Variants in PARD6G observed in about 807,000 individuals in gnomAD.
The protein encoded by PARD6G is par-6 family cell polarity regulator gamma.
Under a neutral mutation model 10.7 loss-of-function variants are expected in PARD6G, and 7 were observed. The ratio of observed to expected loss-of-function variants is 0.66; its 90% CI spans 0.37 to 1.23. PARD6G has a LOEUF of 1.23. Among genes scored for constraint, PARD6G ranks in the 50% most tolerant of loss-of-function variants. The probability of loss-of-function intolerance (pLI) is 0.02; values close to 1 mark genes in which losing one functional copy is unlikely to be tolerated. For missense variants in PARD6G, 548 were observed against 571.8 expected (o/e 0.96, Z 0.42); for synonymous variants, 287 against 269.4 (o/e 1.07, Z -0.64).
rs1373227576 is a variant in PARD6G, at chr18:80,175,594, G to C, written c.296-14988C>G. Among the ~76,000 whole-genome samples, 2 of 152,228 alleles carry C rather than the reference G, an allele frequency of 1.3e-5. No individual in the cohort carries two copies. Among genetic ancestry groups the C allele is most frequent in the Admixed American group, 1.3e-4 (2 of 15,288 alleles). ...CTTCGACATCAGAACCTGGGGTGAC[G>C]TATCGATTCAGTGCACTACGCACAC... On this transcript the variant is annotated intron_variant, in intron 2 of 2. Transcript: ENST00000353265. The surrounding 1 kb of genome is among the most constrained non-coding windows in gnomAD (Gnocchi z 6.7).
chr18:80,239,946 T>C (rs1417986999), intron 1 of PARD6G, among the ~76,000 whole-genome samples: 1 of 152,234 alleles, frequency 6.6e-6, no homozygotes, highest in African/African-American at 2.4e-5. Flanking sequence ...TGGCTGCTTC[T>C]ACTCACAGTG....
At position 80,158,792 on chromosome 18, in the gene PARD6G, C is replaced by T. The variant is rs1475145865; in HGVS notation, c.*979G>A. ...CCCAGGAGGCGGAGGTTGCAGTGAG[C>T]TGAGATCCCTCCAGCTTGGATGACA... On this transcript the variant is annotated 3_prime_UTR_variant, in exon 3 of 3. Transcript: ENST00000353265. The T allele has an allele frequency of 6.6e-6, 1 of 151,790 alleles. No homozygotes were observed. Among genetic ancestry groups the T allele is most frequent in the Admixed American group, 6.6e-5 (1 of 15,224 alleles). 9.4% of individuals were successfully genotyped at this position (151,790 alleles called of 1,614,324 possible). A position where few individuals can be genotyped will look rare whatever the true frequency, so the allele number is the denominator to read the frequency against.
intron 1 of PARD6G, among the ~76,000 whole-genome samples, chr18:80,206,293 T>C (rs916618631): frequency 6.6e-6 from 1 of 152,218 alleles, no homozygotes; most frequent in East Asian, 1.9e-4. Flanking sequence ...AAATGTGACA[T>C]GACAAAAGCA....
chr18:80,198,249 G>A (rs778802690), intron 2 of PARD6G, among the ~76,000 whole-genome samples: 17 of 152,174 alleles, frequency 1.1e-4, no homozygotes, highest in Non-Finnish European at 1.0e-4. Flanking sequence ...GGTATAAGCC[G>A]AGAGCCCTTT....
chr18:80,183,058 A>G lies in PARD6G; in HGVS notation c.295+19652T>C. The stretch of plus-strand genomic sequence containing the variant: ...CTGCGTGGGCCATCCATTCTCTACC[A>G]TGGCATGCCGACAACAGGGGCACAG... On this transcript the variant is annotated intron_variant, in intron 2 of 2. Coordinates refer to ENST00000353265, the MANE Select transcript of PARD6G (RefSeq NM_032510.4). The surrounding 1 kb of genome is among the most constrained non-coding windows in gnomAD (Gnocchi z 4.5). The G allele has an allele frequency of 1.4e-6, 1 of 702,210 alleles. No individual in the cohort carries two copies. Among genetic ancestry groups the G allele is most frequent in the South Asian group, 1.5e-5 (1 of 67,554 alleles). The allele number at this position is 702,210 out of a possible 1,614,324, so 43.5% of individuals were successfully genotyped here. A position where few individuals can be genotyped will look rare whatever the true frequency, so the allele number is the denominator to read the frequency against.
intron 1 of PARD6G, among the ~76,000 whole-genome samples, chr18:80,217,438 G>C (rs1280021397): frequency 6.6e-6 from 1 of 152,154 alleles, no homozygotes; most frequent in Non-Finnish European, 1.5e-5. Flanking sequence ...GGGGAAGAAA[G>C]AGTAACTCTA....
At chr18:80,230,459 G>A (rs777097889) in intron 1 of PARD6G, among the ~76,000 whole-genome samples, 2 of 152,188 alleles carry the variant, frequency 1.3e-5, no homozygotes, top group Non-Finnish European at 2.9e-5. Flanking sequence ...GTTTAAAATC[G>A]GGCCACACAC....
chr18:80,215,409 G>C (rs533158971), intron 1 of PARD6G, among the ~76,000 whole-genome samples: 1 of 152,200 alleles, frequency 6.6e-6, no homozygotes, highest in East Asian at 1.9e-4. Context: ...GATTTAAAAG[G>C]ACAACTGCAG....
chr18:80,215,026 T>TA (rs57798275), intron 1 of PARD6G, among the ~76,000 whole-genome samples: 378 of 148,992 alleles, frequency 2.5e-3, no homozygotes, highest in African/African-American at 8.5e-3. Context: ...GGCTTCTTGT[T>TA]AAAAAAAAAA....
At chr18:80,177,048 C>CAA (rs771159897) in intron 2 of PARD6G, among the ~76,000 whole-genome samples, 1 of 138,350 alleles carries the variant, frequency 7.2e-6, no homozygotes, top group Non-Finnish European at 1.6e-5. Context: ...CACACACACA[C>CAA]CACAGTATAA....
chr18:80,226,747 A>G (rs990287241), intron 1 of PARD6G, among the ~76,000 whole-genome samples: 5 of 152,128 alleles, frequency 3.3e-5, no homozygotes, highest in Non-Finnish European at 7.4e-5. Context: ...CACACTGGCC[A>G]GCAAAGAACC....
At position 80,221,359 on chromosome 18, in the gene PARD6G, C is replaced by A. The variant is rs994552741; in HGVS notation, c.73-18427G>T. On this transcript the variant is annotated intron_variant, in intron 1 of 2. Coordinates refer to ENST00000353265, the MANE Select transcript of PARD6G (RefSeq NM_032510.4). ...CTAGCAACATATAAAAAGGACCACA[C>A]ACCATGACCTGTGAGATTTATCACA... Among the ~76,000 whole-genome samples, 9 of 152,178 alleles carry A rather than the reference C, an allele frequency of 5.9e-5. 1 individual carries two copies. The highest frequency in any genetic ancestry group is 3.3e-4 in the Admixed American group (5 of 15,286).
chr18:80,198,131 C>G (rs913922706), intron 2 of PARD6G, among the ~76,000 whole-genome samples: 1 of 152,182 alleles, frequency 6.6e-6, no homozygotes, highest in East Asian at 1.9e-4. Context: ...GTTGAGAGAA[C>G]GTCCGGAGAG....
chr18:80,219,603 C>G (rs552576585), intron 1 of PARD6G, among the ~76,000 whole-genome samples: 1 of 152,320 alleles, frequency 6.6e-6, no homozygotes, highest in East Asian at 1.9e-4. Flanking sequence ...GAATTTCCAC[C>G]AGATACCACC....
At chr18:80,172,228 T>C (rs1456824605) in intron 2 of PARD6G, among the ~76,000 whole-genome samples, 1 of 152,218 alleles carries the variant, frequency 6.6e-6, no homozygotes, top group East Asian at 1.9e-4. Flanking sequence ...TCACAGTGGG[T>C]GTGAAGCGGT....
intron 2 of PARD6G, among the ~76,000 whole-genome samples, chr18:80,193,276 G>A (rs1405668084): frequency 6.6e-6 from 1 of 152,158 alleles, no homozygotes; most frequent in Non-Finnish European, 1.5e-5. Flanking sequence ...GCATGGCCTG[G>A]GGAAGGGTCC....
chr18:80,196,400 G>C (rs1244641155), intron 2 of PARD6G, among the ~76,000 whole-genome samples: 1 of 152,162 alleles, frequency 6.6e-6, no homozygotes, highest in Non-Finnish European at 1.5e-5. Context: ...AAACAGAAGA[G>C]CTTTTTTAAA....
chr18:80,218,961 C>T (rs1249649900), intron 1 of PARD6G, among the ~76,000 whole-genome samples: 1 of 152,238 alleles, frequency 6.6e-6, no homozygotes, highest in Non-Finnish European at 1.5e-5. Flanking sequence ...TTAGCCGCGG[C>T]TGGAGTGGCT....
In PARD6G at chr18:80,160,546, C is replaced by G. The variant is rs778513531; in HGVS notation, c.356G>C (p.Gly119Ala). The G allele has an allele frequency of 2.0e-6, 3 of 1,492,958 alleles. No individual in the cohort carries two copies. Among genetic ancestry groups the G allele is most frequent in the Non-Finnish European group, 2.7e-6 (3 of 1,123,768 alleles). 92.5% of individuals were successfully genotyped at this position (1,492,958 alleles called of 1,614,324 possible). Residue 119 changes from glycine (G) to alanine (A), a missense_variant, in exon 3 of 3, where the codon GGC (glycine) becomes GCC (alanine). This residue lies in a region of PARD6G where 235 missense variants were observed against 291.9 expected (regional missense o/e 0.81). Coordinates refer to ENST00000353265, the MANE Select transcript of PARD6G (RefSeq NM_032510.4). Reference protein sequence around the residue: ...GSLCRRRRALGALRDEGPRRR... With the variant: ...GSLCRRRRALAALRDEGPRRR... ...CCGGGGTCCTTCATCACGCAGCGCG[C>G]CCAGCGCCCGCCTCCGCCTGCACAG... is the stretch of plus-strand genomic sequence containing the variant.
Sources: allele counts gnomAD v4.1 joint callset (sites outside exome capture counted in the v4.1 genomes callset), GRCh38; gene constraint gnomAD v4.1.1; regional missense constraint gnomAD v4.1.1; non-coding constraint Gnocchi (gnomAD v3.1); transcripts MANE v1.5; gene names NCBI Gene and HGNC (gene_info 2026-07-23, HGNC 2026-07-21).